The following TFAP2B variants were observed in gnomAD, a reference collection of about 807,000 sequenced individuals.
The protein encoded by TFAP2B is transcription factor AP-2-beta.
In TFAP2B, 9 loss-of-function variants were observed where a neutral mutation model predicts 44.3. The ratio of observed to expected loss-of-function variants is 0.20; its 90% confidence interval spans 0.12 to 0.35. The LOEUF (loss-of-function observed/expected upper bound fraction) is 0.35, where lower values mean the gene tolerates loss of function less well. TFAP2B is among the 10% of genes least tolerant of loss of function. The pLI, the probability that TFAP2B is intolerant of heterozygous loss-of-function variation, is 1.00. For synonymous variants in TFAP2B, 270 were observed against 263.8 expected, an observed-to-expected ratio of 1.02 and a Z score of -0.23; for missense variants, 509 against 600.0, an observed-to-expected ratio of 0.85 and a Z score of 1.59.
upstream of TFAP2B, chr6:50,818,686 T>C: frequency 1.7e-6 from 1 of 587,906 alleles, no homozygotes. Context: ...TATATATGTC[T>C]GTGGGTTGCA....
At chr6:50,823,080 G>A (rs538839488) in intron 1 of TFAP2B, among the ~76,000 whole-genome samples, 1 of 152,300 alleles carries the variant, frequency 6.6e-6, no homozygotes, top group South Asian at 2.1e-4. Flanking sequence ...CATACACACT[G>A]TTCCTGTACC....
intron 1 of TFAP2B, chr6:50,822,079 A>ATT: frequency 2.5e-6 from 3 of 1,211,776 alleles, no homozygotes; most frequent in Admixed American, 2.5e-5. Context: ...GGACTCCTTG[A>ATT]TTTTTTTTTT....
intron 3 of TFAP2B, 74 bp downstream of exon 3, chr6:50,828,753 T>A (rs1033691256): frequency 8.0e-6 from 12 of 1,504,158 alleles, no homozygotes; most frequent in Non-Finnish European, 1.1e-5. Flanking sequence ...ATTTTCACTT[T>A]GGGGGAATTC....
At chr6:50,819,474 G>C (rs1012989347) in intron 1 of TFAP2B, among the ~76,000 whole-genome samples, 2 of 152,110 alleles carry the variant, frequency 1.3e-5, no homozygotes, top group South Asian at 4.1e-4. Context: ...TAGCGGGAAA[G>C]AAGTAGATGG....
At position 50,840,191 on chromosome 6, in the gene TFAP2B, A is replaced by G. The variant is rs766157125; in HGVS notation, c.976A>G (p.Ile326Val). Residue 326 changes from isoleucine to valine, a missense_variant, in exon 6 of 7, where the codon ATT (isoleucine) becomes GTT (valine). This residue lies in a region of TFAP2B where 168 missense variants were observed against 183.2 expected (regional missense o/e 0.92). Transcript: ENST00000393655. The part of the protein sequence containing the change: ...AVHLARDFGY[I>V]CETEFPAKAV... ...TCACTTAGCTAGGGATTTTGGGTAC[A>G]TTTGCGAAACGGAGTTTCCCGCCAA... The G allele has an allele frequency of 1.2e-6, 2 of 1,614,066 alleles. No individual in the cohort carries two copies. The highest frequency in any genetic ancestry group is 1.7e-5 in the Admixed American group (1 of 60,022).
chr6:50,825,300 T>A (rs1298536288), intron 2 of TFAP2B, among the ~76,000 whole-genome samples: 1 of 152,104 alleles, frequency 6.6e-6, no homozygotes, highest in African/African-American at 2.4e-5. Flanking sequence ...TAATAGTTTT[T>A]TTTTTAATGC....
intron 6 of TFAP2B, 46 bp from the exon 7 acceptor site, chr6:50,843,043 GACA>G (rs781575787): frequency 2.7e-5 from 43 of 1,612,480 alleles, no homozygotes; most frequent in Non-Finnish European, 3.5e-5. Flanking sequence ...TAATGCCAAT[GACA>G]ACGACACTGA....
intron 2 of TFAP2B, among the ~76,000 whole-genome samples, chr6:50,828,176 A>T (rs201048908): frequency 2.0e-5 from 3 of 152,166 alleles, no homozygotes; most frequent in Non-Finnish European, 4.4e-5. Context: ...TCAGACTTTA[A>T]TTAAAATCCC....
chr6:50,826,485 T>G (rs1770508717), intron 2 of TFAP2B, among the ~76,000 whole-genome samples: 1 of 152,098 alleles, frequency 6.6e-6, no homozygotes, highest in South Asian at 2.1e-4. Context: ...CAATTTCTAT[T>G]TCAATTTACT....
chr6:50,840,689 C>T (rs1332529932), intron 6 of TFAP2B, among the ~76,000 whole-genome samples: 1 of 152,164 alleles, frequency 6.6e-6, no homozygotes, highest in Non-Finnish European at 1.5e-5. Context: ...CTATAAAACC[C>T]ACGTGTACCC....
intron 1 of TFAP2B, among the ~76,000 whole-genome samples, chr6:50,822,387 G>A (rs958768939): frequency 5.3e-5 from 8 of 152,272 alleles, no homozygotes; most frequent in South Asian, 2.1e-4. Flanking sequence ...TGGGAGGGGA[G>A]AGGCCGAAAA....
In TFAP2B at chr6:50,843,325, A is replaced by G; in HGVS notation, c.1316A>G (p.Asn439Ser). The G allele has an allele frequency of 6.2e-7, 1 of 1,614,158 alleles. No homozygotes were observed. The highest frequency in any genetic ancestry group is 8.5e-7 in the Non-Finnish European group (1 of 1,180,028). ...DKMFLNNTTT[N>S]RHTSGEGPGS... ...ATGTTCTTGAACAACACCACCACTA[A>G]CAGGCACACGTCTGGGGAAGGCCCA... The change falls in exon 7 of 7, where the codon AAC becomes AGC. Residue 439 changes from asparagine to serine, a missense_variant. Physicochemically the swap from Asn to Ser is conservative, Grantham distance 46. Transcript: ENST00000393655.
intron 3 of TFAP2B, among the ~76,000 whole-genome samples, chr6:50,834,268 A>G (rs1053090128): frequency 1.3e-5 from 2 of 152,220 alleles, no homozygotes; most frequent in Non-Finnish European, 2.9e-5. Flanking sequence ...CTGATGAGAA[A>G]ATGAGGGAAA....
chr6:50,833,922 T>C (rs1412595832), intron 3 of TFAP2B, among the ~76,000 whole-genome samples: 2 of 152,208 alleles, frequency 1.3e-5, no homozygotes, highest in African/African-American at 4.8e-5. Context: ...GAGATAAATA[T>C]GTTGCTAAGT....
In TFAP2B at chr6:50,846,821, T is replaced by C. The variant is rs1397348837; in HGVS notation, c.*3429T>C. ...CCCAATTACCTTGCATTTTCTTTCC[T>C]TCCTTCTGGCCTCCACACCCATAGC... On this transcript the variant is annotated 3_prime_UTR_variant, in exon 7 of 7. Coordinates refer to ENST00000393655, the MANE Select transcript of TFAP2B (RefSeq NM_003221.4). 6.6e-6 allele frequency: 1 copy of C among 152,610 alleles called. No individual in the cohort carries two copies. The highest frequency in any genetic ancestry group is 1.5e-5 in the Non-Finnish European group (1 of 68,038). The allele number at this position is 152,610 out of a possible 1,614,324, so 9.5% of individuals were successfully genotyped here.
At position 50,818,872 on chromosome 6, in the gene TFAP2B, G is replaced by C; in HGVS notation, c.-20G>C. On this transcript the variant is annotated 5_prime_UTR_variant, in exon 1 of 7. Coordinates refer to ENST00000393655, the MANE Select transcript of TFAP2B (RefSeq NM_003221.4). ...CAGACAGCGGAGTCCTGAGAAGCCAGACATCTGCTCCTCACATGAATGCAC... is the reference window on the plus strand; with the variant it reads ...CAGACAGCGGAGTCCTGAGAAGCCACACATCTGCTCCTCACATGAATGCAC... 6.2e-7 allele frequency: 1 copy of C among 1,611,316 alleles called. No individual in the cohort carries two copies. The highest frequency in any genetic ancestry group is 1.1e-5 in the South Asian group (1 of 91,000).
chr6:50,830,344 G>A (rs1770640201), intron 3 of TFAP2B: 1 of 978,956 alleles, frequency 1.0e-6, no homozygotes, highest in South Asian at 4.7e-5. Context: ...GCAAAACAGA[G>A]CTGAAGATTT....
chr6:50,831,070 A>C (rs1414348384), intron 3 of TFAP2B, among the ~76,000 whole-genome samples: 1 of 152,154 alleles, frequency 6.6e-6, no homozygotes, highest in Admixed American at 6.5e-5. Flanking sequence ...GCATGTCTCT[A>C]TCTCTATGTC....
At chr6:50,840,061 C>T in intron 5 of TFAP2B, 95 bp from the exon 6 acceptor site, 2 of 1,540,666 alleles carry the variant, frequency 1.3e-6, no homozygotes, top group Non-Finnish European at 1.8e-6. Context: ...CTGGCCTTCT[C>T]TGGAAATACT....
Sources: allele counts gnomAD v4.1 joint callset (sites outside exome capture counted in the v4.1 genomes callset), GRCh38; gene constraint gnomAD v4.1.1; regional missense constraint gnomAD v4.1.1; transcripts MANE v1.5; gene names NCBI Gene and HGNC (gene_info 2026-07-23, HGNC 2026-07-21).